The following MYO1A variants were observed in gnomAD, a reference collection of about 807,000 sequenced individuals.
The protein encoded by MYO1A is unconventional myosin-Ia.
A neutral mutation model predicts 138.5 loss-of-function variants in MYO1A; 127 were observed. The ratio of observed to expected loss-of-function variants is 0.92; its 90% CI spans 0.79 to 1.06. The LOEUF is 1.06. Ranked by LOEUF, MYO1A falls within the 50% of genes least tolerant of loss-of-function variation. The pLI is 0.00. For synonymous variants in MYO1A, 477 were observed against 497.5 expected (o/e 0.96, Z 0.55); for missense variants, 1,211 against 1,288.8 (o/e 0.94, Z 0.92).
chr12:57,041,177 G>A lies in MYO1A; in HGVS notation c.1269+7C>T, dbSNP rs2030840469. On this transcript the variant is annotated splice_region_variant and intron_variant, in intron 14 of 27. Coordinates refer to ENST00000300119, the MANE Select transcript of MYO1A (RefSeq NM_005379.4). ...TAAGAGGGGGAAGTAGAAAAGACTT[G>A]GTTTACTTCTCTCTTATATTCCTCT... is the stretch of plus-strand genomic sequence containing the variant. 1 of 1,603,074 alleles carries A rather than the reference G, an allele frequency of 6.2e-7. No individual in the cohort carries two copies. The highest frequency in any genetic ancestry group is 8.5e-7 in the Non-Finnish European group (1 of 1,172,138).
In MYO1A at chr12:57,043,285, C is replaced by T. The variant is rs2030943931; in HGVS notation, c.966G>A (p.Met322Ile). ...EVERALCSRTMETAKEKVVTA... is the reference protein window; with the variant it reads ...EVERALCSRTIETAKEKVVTA... ...TGACCACCTTTTCCTTGGCTGTTTC[C>T]ATGGTCCTCGAGCACAAAGCTCTCT... The change falls in exon 11 of 28, where the codon ATG (methionine) becomes ATA (isoleucine). Residue 322 changes from methionine to isoleucine, a missense_variant. Physicochemically the swap from Met to Ile is conservative, Grantham distance 10. Transcript: ENST00000300119. The T allele has an allele frequency of 6.2e-7, 1 of 1,614,178 alleles. No homozygotes were observed. The highest frequency in any genetic ancestry group is 1.3e-5 in the African/African-American group (1 of 75,026).
At position 57,047,683 on chromosome 12, in the gene MYO1A, T is replaced by A; in HGVS notation, c.269A>T (p.Asp90Val). 6.2e-7 allele frequency: 1 copy of A among 1,614,174 alleles called. No homozygotes were observed. The highest frequency in any genetic ancestry group is 1.1e-5 in the South Asian group (1 of 91,086). Residue 90 changes from aspartate to valine, a missense_variant, in exon 4 of 28, where the codon GAC (aspartate) becomes GTC (valine). Coordinates refer to ENST00000300119, the MANE Select transcript of MYO1A (RefSeq NM_005379.4). ...GAGGATACACTGGTCTCGGTCCCTG[T>A]CCCTCAGTGACTGGTACGCCACATT... ...LANVAYQSLR[D>V]RDRDQCILIT...
At chr12:57,040,103 T>G (rs370794711) in intron 14 of MYO1A, among the ~76,000 whole-genome samples, 39 of 152,174 alleles carry the variant, frequency 2.6e-4, no homozygotes, top group Admixed American at 2.6e-3. Context: ...CTGGGAAGCA[T>G]AGGTCTTTCT....
chr12:57,038,760 C>T, intron 16 of MYO1A, 49 bp downstream of exon 16: 1 of 1,612,612 alleles, frequency 6.2e-7, no homozygotes, highest in Non-Finnish European at 8.5e-7. Context: ...CCATTGACTT[C>T]AGTCTGGGCC....
In MYO1A at chr12:57,047,980, C is replaced by G; in HGVS notation, c.230+9G>C. 4 of 1,610,780 alleles carry G rather than the reference C, an allele frequency of 2.5e-6. No homozygotes were observed. Among genetic ancestry groups the G allele is most frequent in the Non-Finnish European group, 3.4e-6 (4 of 1,177,064 alleles). On this transcript the variant is annotated intron_variant, in intron 3 of 27. Transcript: ENST00000300119. Reference sequence around the variant, plus strand: ...GCCCTGTCAGCCTTCCCTTGGTCCCCCTACTCACATATGGGGCTTCAGCTC... The same window carrying G: ...GCCCTGTCAGCCTTCCCTTGGTCCCGCTACTCACATATGGGGCTTCAGCTC...
rs565452870 is a variant in MYO1A, at chr12:57,034,291, G to A, written c.2349+2016C>T. On this transcript the variant is annotated intron_variant, in intron 22 of 27. Coordinates refer to ENST00000300119, the MANE Select transcript of MYO1A (RefSeq NM_005379.4). Reference sequence around the variant, plus strand: ...CCTTGGCTTTTTAACTACAAAATGGGAGAAAGAAAAGAGCCTACCTCACAG... The same window carrying A: ...CCTTGGCTTTTTAACTACAAAATGGAAGAAAGAAAAGAGCCTACCTCACAG... Among the ~76,000 whole-genome samples the A allele has an allele frequency of 4.6e-5, 7 of 152,214 alleles. No homozygotes were observed. In the South Asian group the frequency reaches 1.2e-3, roughly 27 times the overall value.
chr12:57,044,846 C>T (rs943161152), intron 8 of MYO1A, among the ~76,000 whole-genome samples: 2 of 152,226 alleles, frequency 1.3e-5, no homozygotes, highest in Non-Finnish European at 2.9e-5. Context: ...CCCTTCCATC[C>T]TACGCAGGTG....
At chr12:57,031,615 AAAGG>A (rs1339506312) in intron 22 of MYO1A, among the ~76,000 whole-genome samples, 2 of 152,210 alleles carry the variant, frequency 1.3e-5, no homozygotes, top group Non-Finnish European at 2.9e-5. Context: ...GCCTCCATTC[AAAGG>A]AAGAAGGAGC....
intron 22 of MYO1A, among the ~76,000 whole-genome samples, chr12:57,033,721 A>T (rs1337394648): frequency 6.6e-6 from 1 of 152,262 alleles, no homozygotes; most frequent in Non-Finnish European, 1.5e-5. Flanking sequence ...ATTACTGAAG[A>T]TATAAAAAAT....
At chr12:57,044,254 C>T (rs2030997983) in intron 8 of MYO1A, 45 bp from the exon 9 acceptor site, 1 of 1,502,538 alleles carries the variant, frequency 6.7e-7, no homozygotes, top group African/African-American at 1.4e-5. Flanking sequence ...CCCAGGCTCT[C>T]TGGAGCCCTC....
chr12:57,044,053 T>A (rs917164384), intron 9 of MYO1A, 50 bp from the exon 10 acceptor site: 2 of 1,613,978 alleles, frequency 1.2e-6, no homozygotes, highest in Non-Finnish European at 1.7e-6. Flanking sequence ...GCCAGTCCAA[T>A]GCGAATAGAG....
chr12:57,043,768 T>C, intron 10 of MYO1A, 88 bp downstream of exon 10: 1 of 1,567,542 alleles, frequency 6.4e-7, no homozygotes, highest in Non-Finnish European at 8.7e-7. Flanking sequence ...CAGGGTGAGA[T>C]CAATTATGCT....
intron 27 of MYO1A, 83 bp downstream of exon 27, chr12:57,029,049 T>G (rs2030124346): frequency 1.2e-6 from 2 of 1,612,652 alleles, no homozygotes; most frequent in Admixed American, 3.3e-5. Flanking sequence ...CCCTACATGC[T>G]TCGCTTTCTG....
chr12:57,044,340 C>A, intron 8 of MYO1A, 131 bp from the exon 9 acceptor site: 1 of 731,154 alleles, frequency 1.4e-6, no homozygotes. Flanking sequence ...GTTTTGGGTT[C>A]TTCCCCTGCC....
chr12:57,032,555 T>C (rs571717479), intron 22 of MYO1A, among the ~76,000 whole-genome samples: 1 of 152,290 alleles, frequency 6.6e-6, no homozygotes, highest in Admixed American at 6.5e-5. Context: ...TGGTGGCGCA[T>C]GCCTGTAATC....
rs560209125 is a variant in MYO1A at position 57,048,334 on chromosome 12, G to C, written c.-11C>G. 1.9e-6 allele frequency: 3 copies of C among 1,593,888 alleles called. No individual in the cohort carries two copies. The highest frequency in any genetic ancestry group is 2.6e-6 in the Non-Finnish European group (3 of 1,161,666). On this transcript the variant is annotated 5_prime_UTR_variant, in exon 2 of 28. Transcript: ENST00000300119. ...TTCCAGGAGAGGCATGTCCAGAGGGGCCACTGATCCTGGGAATAAGAGGCA... is the reference window on the plus strand; with the variant it reads ...TTCCAGGAGAGGCATGTCCAGAGGGCCCACTGATCCTGGGAATAAGAGGCA...
rs972740929 is a variant in MYO1A at position 57,043,102 on chromosome 12, C to A, written c.1068G>T (p.Trp356Cys). 13 of 1,614,176 alleles carry A rather than the reference C, an allele frequency of 8.1e-6. No individual in the cohort carries two copies. Among genetic ancestry groups the A allele is most frequent in the Non-Finnish European group, 1.1e-5 (13 of 1,180,028 alleles). The change falls in exon 12 of 28, where the codon TGG becomes TGT. Residue 356 changes from tryptophan to cysteine, a missense_variant. Physicochemically the swap from Trp to Cys is radical, Grantham distance 215. Transcript: ENST00000300119. The part of the protein sequence containing the change: ...AKNIYSRLFD[W>C]IVNRINESIK... ...TGCTCTCATTGATTCGATTCACTATCCAGTCAAAGAGGCGGCTGTAGATGT... is the reference window on the plus strand; with the variant it reads ...TGCTCTCATTGATTCGATTCACTATACAGTCAAAGAGGCGGCTGTAGATGT...
In MYO1A at chr12:57,028,716, A is replaced by G. The variant is rs373783612; in HGVS notation, c.*39T>C. On this transcript the variant is annotated 3_prime_UTR_variant, in exon 28 of 28. Transcript: ENST00000300119. ...GGCAGAGGGGGATTAGTGCTGGTTC[A>G]GGAGGAAGCAACTGCCATCTCTGCA... The G allele has an allele frequency of 6.2e-7, 1 of 1,612,268 alleles. No individual in the cohort carries two copies. Among genetic ancestry groups the G allele is most frequent in the Non-Finnish European group, 8.5e-7 (1 of 1,179,084 alleles).
intron 15 of MYO1A, 70 bp downstream of exon 15, chr12:57,039,142 G>A (rs919814262): frequency 6.4e-7 from 1 of 1,570,318 alleles, no homozygotes; most frequent in African/African-American, 1.3e-5. Flanking sequence ...GAATCAGGGA[G>A]AGAGACAGGG....
Sources: gnomAD v4.1 joint callset for allele counts (sites outside exome capture counted in the v4.1 genomes callset) on GRCh38, gnomAD v4.1.1 for gene constraint, MANE v1.5 for transcripts, NCBI Gene and HGNC (gene_info 2026-07-23, HGNC 2026-07-21) for gene names.